Variants in CHN1 observed in about 807,000 individuals in gnomAD.
The protein encoded by CHN1 is chimerin 1.
Under a neutral mutation model 59.5 loss-of-function variants are expected in CHN1, and 37 were observed. The ratio of observed to expected loss-of-function variants is 0.62; its 90% CI spans 0.48 to 0.82. The LOEUF (loss-of-function observed/expected upper bound fraction) is 0.82. Among genes scored for constraint, CHN1 ranks in the 40% least tolerant of loss-of-function variants. CHN1 has a pLI of 0.00. For missense variants in CHN1, 469 were observed against 571.0 expected (o/e 0.82, Z 1.82); for synonymous variants, 206 against 200.4 (o/e 1.03, Z -0.24).
At chr2:174,996,115 A>G (rs529836477) in intron 1 of CHN1, among the ~76,000 whole-genome samples, 1 of 152,294 alleles carries the variant, frequency 6.6e-6, no homozygotes, top group African/African-American at 2.4e-5. Flanking sequence ...TCCGCTGAGG[A>G]TAAGGGGAGA....
At chr2:174,872,439 A>G (rs1162232393) in intron 6 of CHN1, among the ~76,000 whole-genome samples, 2 of 152,242 alleles carry the variant, frequency 1.3e-5, no homozygotes, top group African/African-American at 4.8e-5. Flanking sequence ...TGCAGGTTTA[A>G]TAAAAGTTCA....
intron 5 of CHN1, among the ~76,000 whole-genome samples, chr2:174,893,676 G>A (rs1466489813): frequency 3.3e-5 from 5 of 152,026 alleles, no homozygotes; most frequent in African/African-American, 9.7e-5. Context: ...TGGCCAAAAC[G>A]ATCTTGGGAA....
intron 1 of CHN1, among the ~76,000 whole-genome samples, chr2:174,999,168 T>G (rs1423370656): frequency 6.6e-6 from 1 of 152,010 alleles, no homozygotes; most frequent in Non-Finnish European, 1.5e-5. Flanking sequence ...TTATATTAAT[T>G]AAAAAAAATC....
intron 1 of CHN1, 79 bp downstream of exon 1, chr2:175,004,815 C>T: frequency 2.1e-6 from 2 of 952,944 alleles, no homozygotes; most frequent in Non-Finnish European, 2.6e-6. Context: ...TCCCCGGGCG[C>T]CCAGGCCCCC....
chr2:174,894,619 G>A lies in CHN1; in HGVS notation c.261-16491C>T, dbSNP rs183544622. ...ATTATGACCCAGCAATCCGACTTCC[G>A]CATATCTATTCAAAAGGATAGAAAA... is the stretch of plus-strand genomic sequence containing the variant. On this transcript the variant is annotated intron_variant, in intron 5 of 12. Transcript: ENST00000409900. Among the ~76,000 whole-genome samples the A allele has an allele frequency of 4.9e-4, 75 of 152,128 alleles. 2 individuals carry two copies. Among genetic ancestry groups the A allele is most frequent in the Admixed American group, 1.2e-3 (18 of 15,284 alleles).
chr2:174,830,898 CA>C (rs1218881649), intron 7 of CHN1, among the ~76,000 whole-genome samples: 1 of 152,168 alleles, frequency 6.6e-6, no homozygotes, highest in Non-Finnish European at 1.5e-5. Context: ...AAGAGAATGA[CA>C]AATGACAGAA....
In CHN1 at chr2:174,910,847, C is replaced by T. The variant is rs568530536; in HGVS notation, c.260+4211G>A. Among the ~76,000 whole-genome samples, 356 of 128,912 alleles carry T rather than the reference C, an allele frequency of 2.8e-3. 1 individual carries two copies. Among genetic ancestry groups the T allele is most frequent in the African/African-American group, 4.2e-3 (140 of 33,178 alleles). The allele number at this position is 128,912 out of a possible 152,430, so 84.6% of individuals were successfully genotyped here. On this transcript the variant is annotated intron_variant, in intron 5 of 12. Transcript: ENST00000409900. ...CCCAGGAGGCGGAGCTTGCAGTGAGCGGAGATCGCGCCACAGCACTCCCGC... is the reference window on the plus strand; with the variant it reads ...CCCAGGAGGCGGAGCTTGCAGTGAGTGGAGATCGCGCCACAGCACTCCCGC...
chr2:174,973,267 T>A (rs1690816887), intron 1 of CHN1, among the ~76,000 whole-genome samples: 1 of 152,180 alleles, frequency 6.6e-6, no homozygotes, highest in African/African-American at 2.4e-5. Context: ...CATGACAACA[T>A]TTTGCCAGAT....
rs1464571088 is a variant in CHN1, at chr2:174,915,115, C to G, written c.203G>C (p.Gly68Ala). The change falls in exon 5 of 13, where the codon GGG (glycine) becomes GCG (alanine). Residue 68 changes from glycine (G) to alanine (A), a missense_variant. Transcript: ENST00000409900. ...AADQLLIVAEGSYLIRESQRQ... is the reference protein window; with the variant it reads ...AADQLLIVAEASYLIRESQRQ... Reference sequence around the variant, plus strand: ...CTGGCTCTCCCGGATGAGGTAGCTCCCCTCAGCCACAATCAAGAGCTGGTC... The same window carrying G: ...CTGGCTCTCCCGGATGAGGTAGCTCGCCTCAGCCACAATCAAGAGCTGGTC... The G allele has an allele frequency of 6.2e-7, 1 of 1,612,408 alleles. No homozygotes were observed. Among genetic ancestry groups the G allele is most frequent in the Non-Finnish European group, 8.5e-7 (1 of 1,179,354 alleles).
At chr2:174,847,314 A>T (rs1229272812) in intron 6 of CHN1, 1 of 1,322,962 alleles carries the variant, frequency 7.6e-7, no homozygotes. Flanking sequence ...TCGACTAACC[A>T]GCAAATTCTT....
intron 5 of CHN1, among the ~76,000 whole-genome samples, chr2:174,903,404 T>A (rs556247642): frequency 4.3e-4 from 65 of 152,202 alleles, no homozygotes; most frequent in Non-Finnish European, 8.1e-4. Context: ...CACTCCTTAA[T>A]GATTTTCATT....
intron 6 of CHN1, among the ~76,000 whole-genome samples, chr2:174,856,631 C>T (rs1433367153): frequency 6.6e-6 from 1 of 152,126 alleles, no homozygotes; most frequent in Non-Finnish European, 1.5e-5. Flanking sequence ...ACACTATGCC[C>T]AAGGAGGAGG....
In CHN1 at chr2:174,989,205, G is replaced by A. The variant is rs566595823; in HGVS notation, c.19+15689C>T. Among the ~76,000 whole-genome samples the A allele has an allele frequency of 6.6e-5, 10 of 151,692 alleles. No homozygotes were observed. In the East Asian group the frequency reaches 9.8e-4, roughly 15 times the overall value. Reference sequence around the variant, plus strand: ...AGCCTGGCCAACATGGTGAAACCCCGTCTCCACTAAAAATACAAAAATTAG... The same window carrying A: ...AGCCTGGCCAACATGGTGAAACCCCATCTCCACTAAAAATACAAAAATTAG... On this transcript the variant is annotated intron_variant, in intron 1 of 12. Coordinates refer to ENST00000409900, the MANE Select transcript of CHN1 (RefSeq NM_001822.7).
chr2:174,992,804 CTT>C (rs111718948), intron 1 of CHN1, among the ~76,000 whole-genome samples: 2 of 146,216 alleles, frequency 1.4e-5, no homozygotes, highest in African/African-American at 5.0e-5. Context: ...TATCTAATCA[CTT>C]TTTTTTTTTT....
intron 1 of CHN1, among the ~76,000 whole-genome samples, chr2:174,973,543 C>G (rs1690825933): frequency 6.6e-6 from 1 of 152,232 alleles, no homozygotes; most frequent in South Asian, 2.1e-4. Flanking sequence ...GATGAAGAAG[C>G]AGCAGCAAAA....
chr2:174,929,468 C>T (rs569844202), intron 3 of CHN1, among the ~76,000 whole-genome samples: 13 of 152,128 alleles, frequency 8.5e-5, no homozygotes, highest in Admixed American at 4.6e-4. Context: ...GTCTCAGCTA[C>T]TCGGGAGGCT....
At chr2:174,850,540 A>G (rs1321022543) in intron 6 of CHN1, among the ~76,000 whole-genome samples, 2 of 152,204 alleles carry the variant, frequency 1.3e-5, no homozygotes, top group African/African-American at 2.4e-5. Context: ...AAAAAAGATT[A>G]TCTGCAGGGA....
At chr2:174,885,268 C>T (rs1377281967) in intron 5 of CHN1, among the ~76,000 whole-genome samples, 4 of 149,448 alleles carry the variant, frequency 2.7e-5, no homozygotes, top group Admixed American at 6.7e-5. Context: ...GAGCGAGACT[C>T]GGTCTCAAAA....
In CHN1 at chr2:174,799,448, A is replaced by G. The variant is rs369718610; in HGVS notation, c.*668T>C. The G allele has an allele frequency of 2.8e-5, 13 of 467,774 alleles. No individual in the cohort carries two copies. In the East Asian group the frequency reaches 3.2e-4, roughly 11 times the overall value. 29.0% of individuals were successfully genotyped at this position (467,774 alleles called of 1,614,324 possible). A position where few individuals can be genotyped will look rare whatever the true frequency, so the allele number is the denominator to read the frequency against. On this transcript the variant is annotated 3_prime_UTR_variant, in exon 13 of 13. Transcript: ENST00000409900. ...AATTAATAAACGCATGCCAGAAAAA[A>G]TACCAAATTACAACTGAAAACCAAT...
Sources: gnomAD v4.1 joint callset for allele counts (sites outside exome capture counted in the v4.1 genomes callset) on GRCh38, gnomAD v4.1.1 for gene constraint, MANE v1.5 for transcripts, NCBI Gene and HGNC (gene_info 2026-07-23, HGNC 2026-07-21) for gene names.